PCCA: variants seen among roughly 807,000 people sequenced by gnomAD.
PCCA encodes propionyl-CoA carboxylase alpha chain, mitochondrial.
Under a neutral mutation model 101.3 loss-of-function variants are expected in PCCA, and 74 were observed. That is an observed-to-expected ratio of 0.73 (90% CI 0.61 to 0.89). PCCA has a LOEUF of 0.89. PCCA is among the 40% of genes least tolerant of loss of function. The probability of loss-of-function intolerance (pLI) is 0.00; values close to 1 mark genes in which losing one functional copy is unlikely to be tolerated. For missense variants in PCCA, 891 were observed against 907.0 expected, an observed-to-expected ratio of 0.98 and a Z score of 0.23; for synonymous variants, 294 against 313.6, an observed-to-expected ratio of 0.94 and a Z score of 0.66.
intron 7 of PCCA, among the ~76,000 whole-genome samples, chr13:100,223,855 TAC>T (rs2059968168): frequency 6.6e-6 from 1 of 152,190 alleles, no homozygotes; most frequent in Non-Finnish European, 1.5e-5. Context: ...AGTAGCTAGA[TAC>T]AGAGTGTCGA....
intron 19 of PCCA, among the ~76,000 whole-genome samples, chr13:100,382,793 G>T (rs2076299895): frequency 6.6e-6 from 1 of 152,160 alleles, no homozygotes; most frequent in African/African-American, 2.4e-5. Flanking sequence ...AGTTGGGCTT[G>T]GAGATATCCA....
At chr13:100,236,738 A>C (rs1480348414) in intron 8 of PCCA, 1 of 152,200 alleles carries the variant, frequency 6.6e-6, no homozygotes, top group Non-Finnish European at 1.5e-5. Flanking sequence ...CTGGGATTAC[A>C]GGCGTGAGCC....
chr13:100,460,286 T>C (rs1256425983), intron 21 of PCCA, among the ~76,000 whole-genome samples: 1 of 152,246 alleles, frequency 6.6e-6, no homozygotes, highest in Non-Finnish European at 1.5e-5. Context: ...AGAATAAATA[T>C]TTTGTTATTA....
intron 6 of PCCA, among the ~76,000 whole-genome samples, chr13:100,163,296 CTATT>C (rs2054684767): frequency 6.6e-6 from 1 of 152,142 alleles, no homozygotes; most frequent in Admixed American, 6.5e-5. Flanking sequence ...CCCTATGTAT[CTATT>C]AGCTCATTCT....
chr13:100,526,455 A>G (rs2087826002), intron 22 of PCCA, among the ~76,000 whole-genome samples: 1 of 152,242 alleles, frequency 6.6e-6, no homozygotes, highest in African/African-American at 2.4e-5. Flanking sequence ...GCAGAGGAAA[A>G]GAGTACATCG....
chr13:100,455,042 G>T (rs977357826), intron 21 of PCCA, among the ~76,000 whole-genome samples: 1 of 152,192 alleles, frequency 6.6e-6, no homozygotes, highest in African/African-American at 2.4e-5. Context: ...CTGGCTTGGT[G>T]ACTCATGCCT....
Position 100,162,228 on chromosome 13 carries a change from A to G in PCCA, c.468+4888A>G, listed in dbSNP as rs55889626. ...AGAAGTGGCATAGAACTTTTCTTAT[A>G]TAAGAAAACAGTGGTCCCTAGGCTT... On this transcript the variant is annotated intron_variant, in intron 6 of 23. Coordinates refer to ENST00000376285, the MANE Select transcript of PCCA (RefSeq NM_000282.4). Among the ~76,000 whole-genome samples, 1,246 of 152,304 alleles carry G rather than the reference A, an allele frequency of 8.2e-3. 14 individuals carry two copies. Among genetic ancestry groups the G allele is most frequent in the African/African-American group, 0.027 (1,128 of 41,562 alleles).
chr13:100,308,143 A>G (rs192390023), intron 15 of PCCA, among the ~76,000 whole-genome samples: 11 of 151,914 alleles, frequency 7.2e-5, no homozygotes, highest in South Asian at 6.3e-4. Flanking sequence ...GTGAGCCACA[A>G]TGGCCGGCCA....
intron 21 of PCCA, among the ~76,000 whole-genome samples, chr13:100,501,869 T>TAAA (rs2085700576): frequency 2.0e-5 from 2 of 102,438 alleles, no homozygotes; most frequent in Non-Finnish European, 4.3e-5. Context: ...GGGACACTCC[T>TAAA]TCTCAATAAA....
intron 21 of PCCA, among the ~76,000 whole-genome samples, chr13:100,458,615 A>G (rs932614774): frequency 6.6e-6 from 1 of 152,142 alleles, no homozygotes; most frequent in Non-Finnish European, 1.5e-5. Flanking sequence ...AGCCTGGGGA[A>G]CAGAGTGAGA....
Position 100,243,139 on chromosome 13 carries a change from C to G in PCCA, c.637+7261C>G, listed in dbSNP as rs1451253257. Among the ~76,000 whole-genome samples the G allele has an allele frequency of 7.9e-5, 12 of 152,266 alleles. 1 individual carries two copies. In the East Asian group the frequency reaches 1.4e-3, roughly 17 times the overall value. ...TGAAACTCCTGACCTCAAGTGCTCC[C>G]CCTGCCTTGGCCTCCCAAAGTGCTG... On this transcript the variant is annotated intron_variant, in intron 8 of 23. Coordinates refer to ENST00000376285, the MANE Select transcript of PCCA (RefSeq NM_000282.4).
chr13:100,102,912 A>G lies in PCCA; in HGVS notation c.135A>G (p.Leu45=). Residue 45 remains leucine (L), a synonymous_variant, in exon 2 of 24, where the codon TTA becomes TTG. Coordinates refer to ENST00000376285, the MANE Select transcript of PCCA (RefSeq NM_000282.4). ...TTCTGTACTATTCAAGACAGTGCTTAATGGTGTCCCGTAATCTTGGTTCAG... is the reference window on the plus strand; with the variant it reads ...TTCTGTACTATTCAAGACAGTGCTTGATGGTGTCCCGTAATCTTGGTTCAG... ...KHVLYYSRQC[L]MVSRNLGSVG... is the part of the protein sequence containing the mutation. The G allele has an allele frequency of 6.2e-7, 1 of 1,612,356 alleles. No individual in the cohort carries two copies.
chr13:100,484,683 G>A (rs1264557401), intron 21 of PCCA, among the ~76,000 whole-genome samples: 1 of 152,160 alleles, frequency 6.6e-6, no homozygotes, highest in Non-Finnish European at 1.5e-5. Context: ...ATATCAAATA[G>A]ACAGCTAGAA....
chr13:100,515,468 C>G lies in PCCA; in HGVS notation c.1941C>G (p.Asn647Lys), dbSNP rs760288596. Residue 647 changes from asparagine (N) to lysine (K), a missense_variant, in exon 22 of 24, where the codon AAC becomes AAG. Physicochemically the swap from Asn to Lys is moderately conservative, Grantham distance 94. Coordinates refer to ENST00000376285, the MANE Select transcript of PCCA (RefSeq NM_000282.4). Reference protein sequence around the residue: ...NILTRLAAELNKFMLEKVTED... With the variant: ...NILTRLAAELKKFMLEKVTED... ...TAACCAGACTTGCCGCAGAATTGAA[C>G]AAATTTATGCTGGAAAAAGTGACTG... The G allele has an allele frequency of 3.1e-6, 5 of 1,614,068 alleles. No homozygotes were observed. The highest frequency in any genetic ancestry group is 1.1e-5 in the South Asian group (1 of 91,078).
intron 18 of PCCA, among the ~76,000 whole-genome samples, chr13:100,360,209 A>T (rs2074420390): frequency 6.6e-6 from 1 of 150,594 alleles, no homozygotes; most frequent in South Asian, 2.1e-4. Context: ...ATCTCGTGAG[A>T]CTCCTTCACT....
intron 12 of PCCA, among the ~76,000 whole-genome samples, chr13:100,281,308 C>A (rs1156290893): frequency 6.6e-6 from 1 of 152,180 alleles, no homozygotes; most frequent in Admixed American, 6.5e-5. Context: ...ATTTGTGCTA[C>A]TTTTGCTGTC....
chr13:100,397,008 C>G (rs1276595037), intron 19 of PCCA, among the ~76,000 whole-genome samples: 1 of 152,140 alleles, frequency 6.6e-6, no homozygotes, highest in South Asian at 2.1e-4. Flanking sequence ...CCGACTGGCT[C>G]CTGCCCTGTG....
intron 6 of PCCA, among the ~76,000 whole-genome samples, chr13:100,191,425 G>T (rs527441201): frequency 6.6e-6 from 1 of 152,118 alleles, no homozygotes; most frequent in South Asian, 2.1e-4. Flanking sequence ...CACTTGTGTC[G>T]CAGCTTACTA....
intron 4 of PCCA, among the ~76,000 whole-genome samples, chr13:100,126,403 A>C (rs1210965002): frequency 9.2e-5 from 14 of 152,014 alleles, no homozygotes; most frequent in Non-Finnish European, 1.5e-5. Flanking sequence ...AGTGAAATTT[A>C]TGTGTCTTTA....
Sources: gnomAD v4.1 joint callset for allele counts (sites outside exome capture counted in the v4.1 genomes callset) on GRCh38, gnomAD v4.1.1 for gene constraint, MANE v1.5 for transcripts, NCBI Gene and HGNC (gene_info 2026-07-23, HGNC 2026-07-21) for gene names.